The following MRPS5 variants were observed in gnomAD, a reference collection of about 807,000 sequenced individuals.
The protein encoded by MRPS5 is small ribosomal subunit protein uS5m.
MRPS5 carries 27 observed loss-of-function variants against 51.9 expected under a neutral mutation model. That is an observed-to-expected ratio of 0.52 (90% CI 0.38 to 0.72). The LOEUF (loss-of-function observed/expected upper bound fraction) is 0.72. Among genes scored for constraint, MRPS5 ranks in the 30% least tolerant of loss-of-function variants. The pLI, the probability that MRPS5 is intolerant of heterozygous loss-of-function variation, is 0.00. For synonymous variants in MRPS5, 196 were observed against 193.2 expected (o/e 1.01, Z -0.12); for missense variants, 570 against 545.7 (o/e 1.04, Z -0.44).
At chr2:95,110,677 C>A (rs1260084220) in intron 3 of MRPS5, among the ~76,000 whole-genome samples, 1 of 152,142 alleles carries the variant, frequency 6.6e-6, no homozygotes, top group Non-Finnish European at 1.5e-5. Context: ...TGGCATGTGC[C>A]CATGGTCCCA....
chr2:95,090,766 G>T, intron 10 of MRPS5: 1 of 449,528 alleles, frequency 2.2e-6, no homozygotes, highest in Non-Finnish European at 4.0e-6. Flanking sequence ...CATTTTGAGG[G>T]CAAAAAAACA....
chr2:95,121,993 C>T (rs1410203940), upstream of MRPS5: 1 of 553,282 alleles, frequency 1.8e-6, no homozygotes, highest in Non-Finnish European at 2.9e-6. Context: ...CGGACAGCCC[C>T]GCGGGCGCCT....
Position 95,100,825 on chromosome 2 carries a change from A to T in MRPS5, c.868+12T>A. 1 of 1,571,280 alleles carries T rather than the reference A, an allele frequency of 6.4e-7. No homozygotes were observed. Among genetic ancestry groups the T allele is most frequent in the Admixed American group, 1.9e-5 (1 of 54,040 alleles). The stretch of plus-strand genomic sequence containing the variant: ...CTGCAAATTAAAAAAAAAAAAATAG[A>T]TTATCACTCACTTGTATGGTCTTCA... On this transcript the variant is annotated intron_variant, in intron 9 of 11. Transcript: ENST00000272418.
At chr2:95,101,287 G>A (rs1365869099) in intron 8 of MRPS5, among the ~76,000 whole-genome samples, 1 of 151,936 alleles carries the variant, frequency 6.6e-6, no homozygotes, top group African/African-American at 2.4e-5. Context: ...GGGAGGCGGA[G>A]GCAGGAGAAT....
rs1293056776 is a variant in MRPS5 at position 95,113,413 on chromosome 2, T to C, written c.277+1653A>G. ...ATCGCTTGAACCCAGGAGGTGCAGG[T>C]TGCAGTGAGCCGAGACCACGCCACT... On this transcript the variant is annotated intron_variant, in intron 3 of 11. Coordinates refer to ENST00000272418, the MANE Select transcript of MRPS5 (RefSeq NM_031902.5). Among the ~76,000 whole-genome samples, 3 of 152,020 alleles carry C rather than the reference T, an allele frequency of 2.0e-5. No individual in the cohort carries two copies. In the South Asian group the frequency reaches 6.2e-4, roughly 32 times the overall value.
rs766156348 is a variant in MRPS5 at position 95,108,377 on chromosome 2, A to G, written c.435T>C (p.Asn145=). Residue 145 remains asparagine, a synonymous_variant, in exon 5 of 12, where the codon AAT becomes AAC. Transcript: ENST00000272418. ...CTGCTCCATTTTTCATAAGAGGGAC[A>G]TTCAGTCCGGGCCATAGAAAACCAT... ...GRYGFLWPGL[N]VPLMKNGAVQ... is the part of the protein sequence containing the mutation. 3 of 1,614,170 alleles carry G rather than the reference A, an allele frequency of 1.9e-6. No homozygotes were observed. Among genetic ancestry groups the G allele is most frequent in the Non-Finnish European group, 2.5e-6 (3 of 1,180,028 alleles).
rs773108800 is a variant in MRPS5, at chr2:95,085,948, T to G, written c.*1409A>C. ...TTTTTTTTTGGAGACAAGGTCTCACTCTGCCACCCAGGCTGGAGTGGCATG... is the reference window on the plus strand; with the variant it reads ...TTTTTTTTTGGAGACAAGGTCTCACGCTGCCACCCAGGCTGGAGTGGCATG... On this transcript the variant is annotated 3_prime_UTR_variant, in exon 12 of 12. Coordinates refer to ENST00000272418, the MANE Select transcript of MRPS5 (RefSeq NM_031902.5). Among the ~76,000 whole-genome samples, 6 of 151,580 alleles carry G rather than the reference T, an allele frequency of 4.0e-5. No homozygotes were observed. Among genetic ancestry groups the G allele is most frequent in the Non-Finnish European group, 7.4e-5 (5 of 67,902 alleles).
Position 95,100,484 on chromosome 2 carries a change from T to C in MRPS5, c.921A>G (p.Lys307=). 6.2e-7 allele frequency: 1 copy of C among 1,605,764 alleles called. No homozygotes were observed. Among genetic ancestry groups the C allele is most frequent in the South Asian group, 1.1e-5 (1 of 90,724 alleles). Residue 307 remains lysine, a synonymous_variant, in exon 10 of 12, where the codon AAA becomes AAG. Transcript: ENST00000272418. ...GAGTTTTAAAGTTACCTTTGGGTTG[T>C]TTCTTCATCTTGATATGCGTCCTTT... The part of the protein sequence containing the change: ...RFKRTHIKMK[K]QPKGYGLRCH...
intron 2 of MRPS5, among the ~76,000 whole-genome samples, chr2:95,116,602 T>G (rs980656680): frequency 9.2e-5 from 14 of 152,376 alleles, no homozygotes; most frequent in Non-Finnish European, 2.1e-4. Flanking sequence ...AATGATCAAT[T>G]ACCAGTTTTG....
At chr2:95,093,977 A>G (rs1330881525) in intron 10 of MRPS5, among the ~76,000 whole-genome samples, 1 of 152,238 alleles carries the variant, frequency 6.6e-6, no homozygotes, top group African/African-American at 2.4e-5. Context: ...CAAGGAAGCT[A>G]AAAATCTTGA....
Position 95,108,197 on chromosome 2 carries a change from G to C in MRPS5, c.615C>G (p.Pro205=), listed in dbSNP as rs758438375. Residue 205 remains proline (P), a synonymous_variant, in exon 5 of 12, where the codon CCC becomes CCG. Transcript: ENST00000272418. The part of the protein sequence containing the change: ...GNSWGGISLG[P]PDPGPCGETY... ...TACCTCCACAGGGACCAGGGTCAGG[G>C]GGGCCAAGACTGATGCCTCCCCATG... 6.2e-7 allele frequency: 1 copy of C among 1,614,020 alleles called. No homozygotes were observed. Among genetic ancestry groups the C allele is most frequent in the African/African-American group, 1.3e-5 (1 of 74,898 alleles).
chr2:95,090,218 T>C (rs1333315190), intron 11 of MRPS5, among the ~76,000 whole-genome samples, 168 bp downstream of exon 11: 2 of 150,690 alleles, frequency 1.3e-5, no homozygotes, highest in Non-Finnish European at 2.9e-5. Flanking sequence ...TTCATGAACT[T>C]GTCAATGGAT....
Position 95,108,164 on chromosome 2 carries a change from G to C in MRPS5, c.637+11C>G. 1 of 1,610,550 alleles carries C rather than the reference G, an allele frequency of 6.2e-7. No homozygotes were observed. The highest frequency in any genetic ancestry group is 1.3e-5 in the African/African-American group (1 of 74,960). ...CTGTCACAAAGGCAAACAAAACCAG[G>C]AGTTTGCTACCTCCACAGGGACCAG... On this transcript the variant is annotated intron_variant, in intron 5 of 11. Transcript: ENST00000272418.
intron 7 of MRPS5, among the ~76,000 whole-genome samples, chr2:95,103,076 G>C (rs189597822): frequency 6.6e-6 from 1 of 152,112 alleles, no homozygotes; most frequent in Non-Finnish European, 1.5e-5. Context: ...CTTCAAATGA[G>C]GCTTTCTAAG....
At chr2:95,094,874 A>G (rs1267666929) in intron 10 of MRPS5, among the ~76,000 whole-genome samples, 2 of 152,358 alleles carry the variant, frequency 1.3e-5, no homozygotes, top group South Asian at 4.1e-4. Flanking sequence ...AAATTCACAC[A>G]TAACAATATT....
chr2:95,087,394 C>T lies in MRPS5; in HGVS notation c.1256G>A (p.Arg419His), dbSNP rs139415735. Residue 419 changes from arginine (R) to histidine (H), a missense_variant, in exon 12 of 12, where the codon CGC becomes CAC. Arg to His is a conservative substitution (Grantham distance 29). Coordinates refer to ENST00000272418, the MANE Select transcript of MRPS5 (RefSeq NM_031902.5). ...TCTCTTCAAATTAGACCACACAGAG[C>T]GCTTCATTCCCTGTGCAGTCTTCAC... ...EDVKTAQGMK[R>H]SVWSNLKRAA... 3.1e-4 allele frequency: 494 copies of T among 1,614,136 alleles called. 3 individuals carry two copies. The African/African-American group carries it at 5.8e-3, about 19-fold the overall frequency.
chr2:95,094,935 C>A (rs1324198589), intron 10 of MRPS5, among the ~76,000 whole-genome samples: 1 of 152,122 alleles, frequency 6.6e-6, no homozygotes, highest in South Asian at 2.1e-4. Context: ...CATAGACTGG[C>A]AAATTGGATG....
intron 3 of MRPS5, among the ~76,000 whole-genome samples, chr2:95,114,164 C>A (rs1676213829): frequency 1.4e-5 from 2 of 146,660 alleles, no homozygotes; most frequent in African/African-American, 5.0e-5. Flanking sequence ...CTCAGTATTT[C>A]ATAGTAGGAA....
At chr2:95,098,320 C>A (rs1465366217) in intron 10 of MRPS5, among the ~76,000 whole-genome samples, 1 of 152,176 alleles carries the variant, frequency 6.6e-6, no homozygotes, top group South Asian at 2.1e-4. Flanking sequence ...TACCATTTGA[C>A]CCAGCCATCC....
Sources: allele counts gnomAD v4.1 joint callset (sites outside exome capture counted in the v4.1 genomes callset), GRCh38; gene constraint gnomAD v4.1.1; transcripts MANE v1.5; gene names NCBI Gene and HGNC (gene_info 2026-07-23, HGNC 2026-07-21).